FUT9: variants seen among roughly 807,000 people sequenced by gnomAD.
The protein encoded by FUT9 is fucosyltransferase 9.
In FUT9, 15 loss-of-function variants were observed where a neutral mutation model predicts 29.7. The ratio of observed to expected loss-of-function variants is 0.51; its 90% CI spans 0.34 to 0.78. The LOEUF (loss-of-function observed/expected upper bound fraction) is 0.78, where lower values mean the gene tolerates loss of function less well. Among genes scored for constraint, FUT9 ranks in the 30% least tolerant of loss-of-function variants. FUT9 has a pLI of 0.01. For synonymous variants in FUT9, 169 were observed against 153.7 expected (o/e 1.10, Z -0.74); for missense variants, 319 against 425.4 (o/e 0.75, Z 2.20).
rs1360661207 is a variant in FUT9 at position 96,073,466 on chromosome 6, G to A, written c.-97-40573G>A. 7.5e-5 allele frequency among the ~76,000 whole-genome samples: 11 copies of A among 147,024 alleles called. No individual in the cohort carries two copies. In the South Asian group the frequency reaches 2.4e-3, roughly 32 times the overall value. ...TCCGTCTCAAAAAAAAAAAAAAAAAGCATTGAAAAGATAAAGGATGGTATT... is the reference window on the plus strand; with the variant it reads ...TCCGTCTCAAAAAAAAAAAAAAAAAACATTGAAAAGATAAAGGATGGTATT... On this transcript the variant is annotated intron_variant, in intron 1 of 2. Coordinates refer to ENST00000302103, the MANE Select transcript of FUT9 (RefSeq NM_006581.4).
intron 1 of FUT9, among the ~76,000 whole-genome samples, chr6:96,022,437 G>C (rs1453726952): frequency 6.6e-6 from 1 of 152,036 alleles, no homozygotes; most frequent in Admixed American, 6.6e-5. Context: ...AAGACATCTG[G>C]AGGTGTTGAC....
At chr6:96,045,752 C>A (rs180755670) in intron 1 of FUT9, among the ~76,000 whole-genome samples, 15 of 152,286 alleles carry the variant, frequency 9.8e-5, no homozygotes, top group African/African-American at 3.6e-4. Flanking sequence ...AGCTTTGTGG[C>A]CTGGTCACCC....
chr6:96,120,411 C>T (rs1400739101), intron 2 of FUT9, among the ~76,000 whole-genome samples: 1 of 150,634 alleles, frequency 6.6e-6, no homozygotes, highest in Non-Finnish European at 1.5e-5. Flanking sequence ...GCTGGGACTA[C>T]AGGCGTCCGC....
chr6:96,135,513 C>T (rs1772330714), intron 2 of FUT9, among the ~76,000 whole-genome samples: 1 of 151,874 alleles, frequency 6.6e-6, no homozygotes, highest in Admixed American at 6.6e-5. Context: ...TTTAATTATT[C>T]TTCACCATGA....
At chr6:96,129,084 T>C (rs9390899) in intron 2 of FUT9, among the ~76,000 whole-genome samples, 134,655 of 147,496 alleles carry the variant, frequency 0.91, 62,475 homozygotes, top group East Asian at 1. Flanking sequence ...GGTGAAACCC[T>C]GTCTCTACTA....
chr6:96,023,517 C>G (rs1582176273), intron 1 of FUT9, among the ~76,000 whole-genome samples: 1 of 151,852 alleles, frequency 6.6e-6, no homozygotes, highest in Admixed American at 6.6e-5. Context: ...TGGGAGTAAC[C>G]TGTAGTAATG....
chr6:96,181,670 C>T (rs937228225), intron 2 of FUT9, among the ~76,000 whole-genome samples: 4 of 151,990 alleles, frequency 2.6e-5, no homozygotes, highest in African/African-American at 9.7e-5. Context: ...TGAGTGAGAA[C>T]ATACAATGTT....
chr6:96,131,436 T>C (rs1194254336), intron 2 of FUT9, among the ~76,000 whole-genome samples: 1 of 152,054 alleles, frequency 6.6e-6, no homozygotes, highest in African/African-American at 2.4e-5. Flanking sequence ...GTTGTCATAC[T>C]CCTCCAAACA....
intron 2 of FUT9, among the ~76,000 whole-genome samples, chr6:96,136,431 A>T (rs1772350739): frequency 6.6e-6 from 1 of 151,942 alleles, no homozygotes; most frequent in Non-Finnish European, 1.5e-5. Flanking sequence ...AAAAGTTTTG[A>T]CTTAATTTTA....
chr6:96,180,068 G>A (rs1198072463), intron 2 of FUT9, among the ~76,000 whole-genome samples: 1 of 152,050 alleles, frequency 6.6e-6, no homozygotes, highest in African/African-American at 2.4e-5. Context: ...CTGCAATCCT[G>A]TCTCTCAGAG....
intron 2 of FUT9, among the ~76,000 whole-genome samples, chr6:96,146,159 G>A (rs1178948067): frequency 1.3e-5 from 2 of 152,160 alleles, no homozygotes; most frequent in East Asian, 1.9e-4. Context: ...TCCAAAGTGA[G>A]ATGGGAAGGA....
At chr6:96,037,870 T>C (rs1582185666) in intron 1 of FUT9, among the ~76,000 whole-genome samples, 1 of 152,152 alleles carries the variant, frequency 6.6e-6, no homozygotes, top group East Asian at 1.9e-4. Context: ...CAGTGATTGA[T>C]TTGTAATACC....
intron 1 of FUT9, among the ~76,000 whole-genome samples, chr6:96,065,093 AC>A (rs1770940740): frequency 6.6e-6 from 1 of 152,172 alleles, no homozygotes; most frequent in African/African-American, 2.4e-5. Flanking sequence ...AGTAGAAAGA[AC>A]ACTAGATTAG....
chr6:96,026,801 T>C (rs1770177087), intron 1 of FUT9, among the ~76,000 whole-genome samples: 1 of 151,710 alleles, frequency 6.6e-6, no homozygotes, highest in African/African-American at 2.4e-5. Flanking sequence ...TACCATTTTA[T>C]GCCTTTACAA....
chr6:96,071,665 G>T (rs942496863), intron 1 of FUT9, among the ~76,000 whole-genome samples: 3 of 152,056 alleles, frequency 2.0e-5, no homozygotes, highest in African/African-American at 7.2e-5. Flanking sequence ...ATCAACAAAG[G>T]AGCAAGACTC....
chr6:96,120,492 C>G (rs1029021411), intron 2 of FUT9, among the ~76,000 whole-genome samples: 62 of 149,586 alleles, frequency 4.1e-4, no homozygotes, highest in South Asian at 2.1e-3. Context: ...ACCATGTTAG[C>G]TAGGATGGTC....
chr6:96,059,835 C>T (rs944791401), intron 1 of FUT9, among the ~76,000 whole-genome samples: 9 of 152,206 alleles, frequency 5.9e-5, no homozygotes, highest in Admixed American at 3.3e-4. Context: ...GAGTCATATC[C>T]GGTCTCTGAA....
At chr6:96,051,326 C>T (rs747108250) in intron 1 of FUT9, among the ~76,000 whole-genome samples, 11 of 151,938 alleles carry the variant, frequency 7.2e-5, no homozygotes, top group Non-Finnish European at 1.0e-4. Flanking sequence ...AATATAGATA[C>T]TGTTACATGA....
intron 1 of FUT9, among the ~76,000 whole-genome samples, chr6:96,085,195 T>C (rs1771295771): frequency 6.6e-6 from 1 of 152,206 alleles, no homozygotes; most frequent in Non-Finnish European, 1.5e-5. Context: ...GCTCAAAGGA[T>C]GTCTTAGTCC....
Sources: gnomAD v4.1 joint callset for allele counts (sites outside exome capture counted in the v4.1 genomes callset) on GRCh38, gnomAD v4.1.1 for gene constraint, MANE v1.5 for transcripts, NCBI Gene and HGNC (gene_info 2026-07-23, HGNC 2026-07-21) for gene names.